The following CNTNAP2 variants were observed in gnomAD, a reference collection of about 807,000 sequenced individuals.
The protein encoded by CNTNAP2 is contactin-associated protein-like 2.
CNTNAP2 carries 98 observed loss-of-function variants against 155.2 expected under a neutral mutation model. That is an observed-to-expected ratio of 0.63 (90% confidence interval 0.54 to 0.75). The LOEUF is 0.75. Among genes scored for constraint, CNTNAP2 ranks in the 30% least tolerant of loss-of-function variants. The pLI is 0.00. For synonymous variants in CNTNAP2, 651 were observed against 631.2 expected (o/e 1.03, Z -0.47); for missense variants, 1,727 against 1,688.1 (o/e 1.02, Z -0.40).
chr7:147,476,351 C>T (rs1249713414), intron 10 of CNTNAP2, among the ~76,000 whole-genome samples: 1 of 151,944 alleles, frequency 6.6e-6, no homozygotes, highest in Admixed American at 6.6e-5. Context: ...ATGATCCGCC[C>T]ACCTCAGCCT....
intron 2 of CNTNAP2, among the ~76,000 whole-genome samples, chr7:146,837,433 C>G (rs1347109207): frequency 6.6e-6 from 1 of 152,046 alleles, no homozygotes; most frequent in Non-Finnish European, 1.5e-5. Flanking sequence ...TCTCCTTCAA[C>G]ATTTTGCATT....
intron 10 of CNTNAP2, among the ~76,000 whole-genome samples, chr7:147,484,312 T>C (rs1274461247): frequency 6.6e-6 from 1 of 152,208 alleles, no homozygotes; most frequent in South Asian, 2.1e-4. Context: ...GTTCTTCCTC[T>C]CATTTTCTTC....
At chr7:147,489,936 T>C (rs1345275656) in intron 11 of CNTNAP2, among the ~76,000 whole-genome samples, 2 of 152,208 alleles carry the variant, frequency 1.3e-5, no homozygotes, top group Non-Finnish European at 2.9e-5. Context: ...TATATACTAC[T>C]AGTTCCTTGT....
chr7:146,773,045 C>T (rs1802324551), intron 1 of CNTNAP2, among the ~76,000 whole-genome samples: 1 of 151,998 alleles, frequency 6.6e-6, no homozygotes, highest in Admixed American at 6.6e-5. Flanking sequence ...TTTGGAACAT[C>T]CCAGTATCAG....
intron 1 of CNTNAP2, among the ~76,000 whole-genome samples, chr7:146,751,841 G>T (rs1385355598): frequency 6.6e-6 from 1 of 151,806 alleles, no homozygotes; most frequent in Non-Finnish European, 1.5e-5. Context: ...TGTTCTCATT[G>T]TTCACCTCCC....
intron 12 of CNTNAP2, among the ~76,000 whole-genome samples, chr7:147,609,847 G>A (rs974408297): frequency 1.3e-5 from 2 of 152,152 alleles, no homozygotes; most frequent in African/African-American, 4.8e-5. Flanking sequence ...TCTTCCCAGG[G>A]AAGAAGGTAG....
At chr7:146,235,735 A>C (rs1799462394) in intron 1 of CNTNAP2, among the ~76,000 whole-genome samples, 1 of 152,058 alleles carries the variant, frequency 6.6e-6, no homozygotes. Context: ...TCAGGAGTGC[A>C]CCACAGTGAA....
chr7:146,930,944 G>T (rs1194021001), intron 3 of CNTNAP2, among the ~76,000 whole-genome samples: 1 of 152,070 alleles, frequency 6.6e-6, no homozygotes, highest in Non-Finnish European at 1.5e-5. Context: ...AGCAAGTCCT[G>T]AGTGACCTAC....
chr7:146,497,731 A>T (rs888365424), intron 1 of CNTNAP2, among the ~76,000 whole-genome samples: 2 of 150,946 alleles, frequency 1.3e-5, no homozygotes, highest in African/African-American at 2.4e-5. Flanking sequence ...TGATTTTTTT[A>T]TTTATTCTAA....
chr7:146,610,620 G>A (rs1799121045), intron 1 of CNTNAP2, among the ~76,000 whole-genome samples: 1 of 152,002 alleles, frequency 6.6e-6, no homozygotes, highest in South Asian at 2.1e-4. Context: ...CCATTTTTGA[G>A]ACATGATTGC....
At chr7:147,331,823 T>C (rs1718501134) in intron 9 of CNTNAP2, among the ~76,000 whole-genome samples, 1 of 152,190 alleles carries the variant, frequency 6.6e-6, no homozygotes, top group African/African-American at 2.4e-5. Flanking sequence ...TCATTGCCCA[T>C]GGAACTAACC....
chr7:147,727,746 G>GT (rs1796667425), intron 13 of CNTNAP2, among the ~76,000 whole-genome samples: 2 of 35,676 alleles, frequency 5.6e-5, no homozygotes, highest in African/African-American at 2.8e-4. Flanking sequence ...TCCAAAGCCT[G>GT]CTTTTTTTTT....
intron 1 of CNTNAP2, among the ~76,000 whole-genome samples, chr7:146,621,608 A>G (rs561200499): frequency 6.6e-6 from 1 of 152,296 alleles, no homozygotes; most frequent in South Asian, 2.1e-4. Context: ...GACTGGCATT[A>G]TAGGTTTTAG....
rs573269469 is a variant in CNTNAP2, at chr7:146,494,050, C to T, written c.98-280221C>T. 2.6e-5 allele frequency among the ~76,000 whole-genome samples: 4 copies of T among 152,190 alleles called. No homozygotes were observed. The East Asian group carries it at 5.8e-4, about 22-fold the overall frequency. ...ATAAAAAATTTAAAAAATAAAAATG[C>T]AGGCCGGAAACAGTGGCTCACGCCT... On this transcript the variant is annotated intron_variant, in intron 1 of 23. Transcript: ENST00000361727.
At position 146,756,023 on chromosome 7, in the gene CNTNAP2, CTT is replaced by C. The variant is rs1447572441; in HGVS notation, c.98-18244_98-18243del. ...TAGGCTTCATTAGTTGACATGCACT[CTT>C]TTTGAGTTAAATAATATGATATTCT... On this transcript the variant is annotated intron_variant, in intron 1 of 23. Transcript: ENST00000361727. Among the ~76,000 whole-genome samples, 3 of 151,530 alleles carry C rather than the reference CTT, an allele frequency of 2.0e-5. No homozygotes were observed. The East Asian group carries it at 5.8e-4, about 29-fold the overall frequency.
chr7:148,408,128 C>T lies in CNTNAP2; in HGVS notation c.3716-1263C>T, dbSNP rs542704407. ...GGCATGGTGGCAGGTGCCTGTAATC[C>T]CAGCTACTTGGGAGGCTGAGGCAGG... On this transcript the variant is annotated intron_variant, in intron 22 of 23. Coordinates refer to ENST00000361727, the MANE Select transcript of CNTNAP2 (RefSeq NM_014141.6). Among the ~76,000 whole-genome samples, 325 of 152,076 alleles carry T rather than the reference C, an allele frequency of 2.1e-3. 4 individuals carry two copies. Among genetic ancestry groups the T allele is most frequent in the African/African-American group, 7.6e-3 (315 of 41,506 alleles).
chr7:147,406,888 A>C (rs1797013506), intron 10 of CNTNAP2, among the ~76,000 whole-genome samples: 1 of 152,214 alleles, frequency 6.6e-6, no homozygotes, highest in African/African-American at 2.4e-5. Context: ...TCAGGGTAAA[A>C]CCACTAAGTA....
intron 3 of CNTNAP2, among the ~76,000 whole-genome samples, chr7:146,943,235 C>T (rs1355511096): frequency 6.6e-6 from 1 of 152,066 alleles, no homozygotes; most frequent in Non-Finnish European, 1.5e-5. Context: ...TTAAGAAACT[C>T]ATAAGAAAGA....
intron 11 of CNTNAP2, among the ~76,000 whole-genome samples, chr7:147,487,265 CAAG>C (rs1798526082): frequency 6.6e-6 from 1 of 151,944 alleles, no homozygotes; most frequent in African/African-American, 2.4e-5. Context: ...AGAAAGATGT[CAAG>C]AAGGTCAAAA....
Sources: gnomAD v4.1 joint callset for allele counts (sites outside exome capture counted in the v4.1 genomes callset) on GRCh38, gnomAD v4.1.1 for gene constraint, MANE v1.5 for transcripts, NCBI Gene and HGNC (gene_info 2026-07-23, HGNC 2026-07-21) for gene names.